The following GRIK2 variants were observed in gnomAD, a reference collection of about 807,000 sequenced individuals.
GRIK2 encodes the protein glutamate ionotropic receptor kainate type subunit 2.
A neutral mutation model predicts 100.3 loss-of-function variants in GRIK2; 32 were observed. The ratio of observed to expected loss-of-function variants is 0.32; its 90% CI spans 0.24 to 0.43. The LOEUF is 0.43. GRIK2 is among the 20% of genes least tolerant of loss of function. The pLI is 1.00. For synonymous variants in GRIK2, 417 were observed against 389.4 expected, an observed-to-expected ratio of 1.07 and a Z score of -0.83; for missense variants, 843 against 1,114.9, an observed-to-expected ratio of 0.76 and a Z score of 3.47.
intron 12 of GRIK2, among the ~76,000 whole-genome samples, chr6:101,915,728 T>C (rs1180490408): frequency 1.3e-5 from 2 of 151,408 alleles, no homozygotes; most frequent in Admixed American, 6.6e-5. Context: ...CAAAGTTACA[T>C]GACATTATGT....
chr6:101,634,719 A>G (rs193155102), intron 4 of GRIK2, among the ~76,000 whole-genome samples: 4 of 152,232 alleles, frequency 2.6e-5, no homozygotes, highest in Non-Finnish European at 4.4e-5. Context: ...TAGTGAAGGA[A>G]AAGCAGTAAT....
Position 101,424,313 on chromosome 6 carries a change from T to G in GRIK2, c.115+24921T>G, listed in dbSNP as rs1776577653. On this transcript the variant is annotated intron_variant, in intron 2 of 16. Coordinates refer to ENST00000369134, the MANE Select transcript of GRIK2 (RefSeq NM_021956.5). Reference sequence around the variant, plus strand: ...TAGGTATATCTCCTAATGCTATCCCTCCCCCATCCCCCCACCCCACAACAG... The same window carrying G: ...TAGGTATATCTCCTAATGCTATCCCGCCCCCATCCCCCCACCCCACAACAG... 2.0e-5 allele frequency among the ~76,000 whole-genome samples: 3 copies of G among 150,744 alleles called. No homozygotes were observed. In the Admixed American group the frequency reaches 2.0e-4, roughly 10 times the overall value.
chr6:101,571,986 T>G (rs1332932744), intron 2 of GRIK2, among the ~76,000 whole-genome samples: 2 of 152,140 alleles, frequency 1.3e-5, no homozygotes, highest in Non-Finnish European at 2.9e-5. Flanking sequence ...GTCTATCATC[T>G]TCAAACCAGT....
chr6:101,717,538 AC>A (rs1228333124), intron 7 of GRIK2, among the ~76,000 whole-genome samples: 1 of 151,816 alleles, frequency 6.6e-6, no homozygotes, highest in Non-Finnish European at 1.5e-5. Flanking sequence ...GGAAAGAGTC[AC>A]TTGTTGCAAT....
At chr6:101,505,132 ATATCT>A (rs1396820022) in intron 2 of GRIK2, among the ~76,000 whole-genome samples, 15 of 150,694 alleles carry the variant, frequency 1.0e-4, no homozygotes, top group African/African-American at 3.2e-4. Flanking sequence ...GGTCAATTTG[ATATCT>A]TAAATTGTTG....
chr6:101,838,326 T>G (rs1783271358), intron 10 of GRIK2, among the ~76,000 whole-genome samples: 1 of 152,222 alleles, frequency 6.6e-6, no homozygotes, highest in South Asian at 2.1e-4. Context: ...ATCTGTATTT[T>G]GTTATAGAGG....
At chr6:101,888,364 G>T (rs1222248747) in intron 11 of GRIK2, among the ~76,000 whole-genome samples, 2 of 152,088 alleles carry the variant, frequency 1.3e-5, no homozygotes, top group African/African-American at 4.8e-5. Context: ...AGTTTTATGG[G>T]GAATGTGACA....
intron 14 of GRIK2, among the ~76,000 whole-genome samples, chr6:102,005,230 A>G (rs924163497): frequency 7.1e-6 from 1 of 141,692 alleles, no homozygotes; most frequent in African/African-American, 2.8e-5. Flanking sequence ...ATACACACAT[A>G]CAATCATATA....
chr6:101,634,835 A>G (rs1733862222), intron 4 of GRIK2, among the ~76,000 whole-genome samples: 1 of 151,980 alleles, frequency 6.6e-6, no homozygotes. Flanking sequence ...AAAAACACAA[A>G]CACTTTCTTA....
intron 2 of GRIK2, among the ~76,000 whole-genome samples, chr6:101,544,802 C>G (rs530581715): frequency 1.1e-3 from 166 of 152,244 alleles, no homozygotes; most frequent in African/African-American, 3.8e-3. Context: ...TTAATTTGTT[C>G]AAGGTCATCC....
At chr6:101,613,637 T>TA (rs933587771) in intron 2 of GRIK2, among the ~76,000 whole-genome samples, 67 of 151,546 alleles carry the variant, frequency 4.4e-4, no homozygotes, top group African/African-American at 1.2e-3. Flanking sequence ...ACTGTACTGT[T>TA]AAAAAAATCC....
At chr6:101,867,822 T>C (rs2128446908) in intron 11 of GRIK2, among the ~76,000 whole-genome samples, 1 of 151,506 alleles carries the variant, frequency 6.6e-6, no homozygotes, top group East Asian at 1.9e-4. Flanking sequence ...TTAAAAGAAA[T>C]TGTTTCCCTA....
chr6:102,035,791 A>C (rs529925052), intron 15 of GRIK2, among the ~76,000 whole-genome samples: 1 of 151,546 alleles, frequency 6.6e-6, no homozygotes, highest in African/African-American at 2.4e-5. Context: ...GTCAGTAGAT[A>C]TTTTTACTGT....
At chr6:101,514,057 G>T (rs1471268709) in intron 2 of GRIK2, among the ~76,000 whole-genome samples, 2 of 152,062 alleles carry the variant, frequency 1.3e-5, no homozygotes, top group African/African-American at 2.4e-5. Flanking sequence ...ACAATTTTAT[G>T]AATGAAAAGT....
intron 7 of GRIK2, among the ~76,000 whole-genome samples, chr6:101,706,587 G>C (rs970110854): frequency 6.6e-6 from 1 of 151,936 alleles, no homozygotes; most frequent in South Asian, 2.1e-4. Flanking sequence ...AAGATAAACA[G>C]GCAGGAGGTT....
intron 13 of GRIK2, among the ~76,000 whole-genome samples, chr6:101,926,161 C>T (rs1355576130): frequency 1.4e-5 from 2 of 147,548 alleles, no homozygotes; most frequent in Non-Finnish European, 3.0e-5. Context: ...TATATTTTTC[C>T]TTTCCTACAT....
At chr6:101,484,479 A>G (rs1261684162) in intron 2 of GRIK2, among the ~76,000 whole-genome samples, 3 of 152,150 alleles carry the variant, frequency 2.0e-5, no homozygotes, top group African/African-American at 7.2e-5. Flanking sequence ...AACATTTTAA[A>G]TATTGCTAAT....
At chr6:101,402,217 CTGTA>C (rs1270523674) in intron 2 of GRIK2, among the ~76,000 whole-genome samples, 2 of 152,168 alleles carry the variant, frequency 1.3e-5, no homozygotes, top group African/African-American at 4.8e-5. Flanking sequence ...CTCTCCCTCT[CTGTA>C]TGGCACACAC....
intron 15 of GRIK2, among the ~76,000 whole-genome samples, chr6:102,042,130 A>T (rs893167583): frequency 1.3e-5 from 2 of 151,716 alleles, no homozygotes; most frequent in Admixed American, 6.6e-5. Context: ...ATGGTTTTCC[A>T]TTTCCAAACA....
Sources: allele counts gnomAD v4.1 joint callset (sites outside exome capture counted in the v4.1 genomes callset), GRCh38; gene constraint gnomAD v4.1.1; transcripts MANE v1.5; gene names NCBI Gene and HGNC (gene_info 2026-07-23, HGNC 2026-07-21).